INPP4B: variants seen among roughly 807,000 people sequenced by gnomAD.
The protein encoded by INPP4B is inositol polyphosphate 4-phosphatase type II.
INPP4B carries 55 observed loss-of-function variants against 122.5 expected under a neutral mutation model. The ratio of observed to expected loss-of-function variants is 0.45; its 90% CI spans 0.36 to 0.56. INPP4B has a LOEUF of 0.56. INPP4B is among the 20% of genes least tolerant of loss of function. The probability of loss-of-function intolerance (pLI) is 0.00; values close to 1 mark genes in which losing one functional copy is unlikely to be tolerated. For missense variants in INPP4B, 1,000 were observed against 1,097.7 expected (o/e 0.91, Z 1.26); for synonymous variants, 403 against 388.7 (o/e 1.04, Z -0.43).
intron 7 of INPP4B, among the ~76,000 whole-genome samples, chr4:142,325,215 C>T (rs1771872960): frequency 6.6e-6 from 1 of 152,188 alleles, no homozygotes; most frequent in African/African-American, 2.4e-5. Flanking sequence ...AAACCGAACT[C>T]CTTAATATCC....
At chr4:142,452,920 A>C (rs1814620378) in intron 3 of INPP4B, among the ~76,000 whole-genome samples, 1 of 152,174 alleles carries the variant, frequency 6.6e-6, no homozygotes, top group Non-Finnish European at 1.5e-5. Context: ...TTAAAAAAAA[A>C]ATGGAACACG....
intron 23 of INPP4B, among the ~76,000 whole-genome samples, chr4:142,096,837 C>T (rs2152603984): frequency 6.6e-6 from 1 of 152,188 alleles, no homozygotes; most frequent in South Asian, 2.1e-4. Flanking sequence ...AGCCATTAGA[C>T]AGCAATGGTG....
Position 142,702,182 on chromosome 4 carries a change from GT to G in INPP4B, c.-191+23656del, listed in dbSNP as rs1477541734. Among the ~76,000 whole-genome samples the G allele has an allele frequency of 7.9e-5, 12 of 150,948 alleles. No homozygotes were observed. In the East Asian group the frequency reaches 2.4e-3, roughly 30 times the overall value. ...GCTTTGTCCTCTTTAAGCTTTAGTA[GT>G]TTCTTTAAAAAAAAAAAAATCATTC... On this transcript the variant is annotated intron_variant, in intron 2 of 25. Coordinates refer to ENST00000262992, the MANE Select transcript of INPP4B (RefSeq NM_001101669.3).
chr4:142,132,171 G>C (rs1432584080), intron 18 of INPP4B, among the ~76,000 whole-genome samples: 42 of 152,022 alleles, frequency 2.8e-4, no homozygotes, highest in Admixed American at 2.6e-3. Flanking sequence ...TTTTCATGAA[G>C]TTATCATATA....
intron 16 of INPP4B, among the ~76,000 whole-genome samples, chr4:142,170,890 GTTTA>G (rs1825304756): frequency 6.6e-6 from 1 of 151,728 alleles, no homozygotes; most frequent in South Asian, 2.1e-4. Flanking sequence ...TACCAACAGT[GTTTA>G]TTTAGATGGA....
chr4:142,050,886 A>G (rs569129086), intron 25 of INPP4B, among the ~76,000 whole-genome samples: 1 of 152,128 alleles, frequency 6.6e-6, no homozygotes, highest in East Asian at 1.9e-4. Context: ...GTCCACAGAT[A>G]CAACCAACCA....
At chr4:142,700,902 T>G (rs1761669574) in intron 2 of INPP4B, among the ~76,000 whole-genome samples, 1 of 152,136 alleles carries the variant, frequency 6.6e-6, no homozygotes, top group Non-Finnish European at 1.5e-5. Context: ...CCCAGATGAT[T>G]TAAACATTTA....
intron 3 of INPP4B, among the ~76,000 whole-genome samples, chr4:142,453,832 C>G (rs932430377): frequency 3.3e-5 from 5 of 152,082 alleles, no homozygotes; most frequent in African/African-American, 9.7e-5. Context: ...TAAACTCGAA[C>G]TGGGTGGAAT....
At chr4:142,731,164 T>C (rs1965828) in intron 1 of INPP4B, among the ~76,000 whole-genome samples, 102,390 of 151,866 alleles carry the variant, frequency 0.67, 34,732 homozygotes, top group East Asian at 0.83. Context: ...CAAGTGTGTA[T>C]TGTTCCCCTC....
At chr4:142,704,351 G>A (rs1560979267) in intron 2 of INPP4B, among the ~76,000 whole-genome samples, 1 of 152,106 alleles carries the variant, frequency 6.6e-6, no homozygotes, top group Admixed American at 6.5e-5. Context: ...TAATTGCATT[G>A]AGTTATATAA....
intron 3 of INPP4B, among the ~76,000 whole-genome samples, chr4:142,455,633 C>G (rs909260685): frequency 6.6e-6 from 1 of 151,972 alleles, no homozygotes; most frequent in Non-Finnish European, 1.5e-5. Flanking sequence ...GCAGATATCT[C>G]TTCTATATAC....
rs1784883353 is a variant in INPP4B at position 142,102,400 on chromosome 4, A to T, written c.2374+5693T>A. On this transcript the variant is annotated intron_variant, in intron 23 of 25. Coordinates refer to ENST00000262992, the MANE Select transcript of INPP4B (RefSeq NM_001101669.3). ...AATTATTCTAAAAGAATTTAAAAGG[A>T]CATCAGAGAGAACCATGGTTGATCA... 2.0e-5 allele frequency among the ~76,000 whole-genome samples: 3 copies of T among 151,846 alleles called. No homozygotes were observed. In the South Asian group the frequency reaches 6.2e-4, roughly 32 times the overall value.
rs1025134379 is a variant in INPP4B at position 142,028,509 on chromosome 4, C to T, written c.*273G>A. ...TTTAAATACTCATGAATGAAATTTA[C>T]ACTTTGTGAACCAATCTCAATCAGC... On this transcript the variant is annotated 3_prime_UTR_variant, in exon 26 of 26. Transcript: ENST00000262992. The T allele has an allele frequency of 2.1e-5, 8 of 383,682 alleles. No individual in the cohort carries two copies. Among genetic ancestry groups the T allele is most frequent in the Admixed American group, 1.7e-4 (4 of 23,690 alleles). 23.8% of individuals were successfully genotyped at this position (383,682 alleles called of 1,614,324 possible).
chr4:142,601,837 C>T (rs994897154), intron 2 of INPP4B, among the ~76,000 whole-genome samples: 9 of 151,258 alleles, frequency 6.0e-5, no homozygotes, highest in South Asian at 2.1e-4. Context: ...GGTGTGGTGG[C>T]GGGGGCCTAT....
At chr4:142,584,588 T>G (rs1735769382) in intron 2 of INPP4B, among the ~76,000 whole-genome samples, 2 of 152,156 alleles carry the variant, frequency 1.3e-5, no homozygotes, top group African/African-American at 4.8e-5. Context: ...GGGGAGGAAG[T>G]CCACAGAAGT....
rs566622573 is a variant in INPP4B at position 142,615,064 on chromosome 4, C to G, written c.-191+110775G>C. Among the ~76,000 whole-genome samples, 414 of 152,252 alleles carry G rather than the reference C, an allele frequency of 2.7e-3. 1 individual carries two copies. Among genetic ancestry groups the G allele is most frequent in the African/African-American group, 9.3e-3 (385 of 41,564 alleles). On this transcript the variant is annotated intron_variant, in intron 2 of 25. Coordinates refer to ENST00000262992, the MANE Select transcript of INPP4B (RefSeq NM_001101669.3). ...AGTATCCACTCAAAGGAAAAGAAAT[C>G]ATTATATCAGAAAGAAACCTGAACT...
intron 1 of INPP4B, among the ~76,000 whole-genome samples, chr4:142,786,724 T>C (rs1775815703): frequency 6.6e-6 from 1 of 152,138 alleles, no homozygotes; most frequent in Admixed American, 6.6e-5. Context: ...ACTCTACATT[T>C]GTCATTTTCC....
Position 142,045,384 on chromosome 4 carries a change from C to T in INPP4B, c.2643-16470G>A, listed in dbSNP as rs982382309. ...TCTAATAACTAAAATTTTTAATTAC[C>T]GGGAACTAGATTTTGTATCCAACAT... On this transcript the variant is annotated intron_variant, in intron 25 of 25. Coordinates refer to ENST00000262992, the MANE Select transcript of INPP4B (RefSeq NM_001101669.3). 3.9e-5 allele frequency among the ~76,000 whole-genome samples: 6 copies of T among 152,084 alleles called. No individual in the cohort carries two copies. The South Asian group carries it at 8.3e-4, about 21-fold the overall frequency.
At chr4:142,217,041 G>A (rs1031507413) in intron 12 of INPP4B, among the ~76,000 whole-genome samples, 1 of 152,046 alleles carries the variant, frequency 6.6e-6, no homozygotes, top group African/African-American at 2.4e-5. Context: ...TAGGCCTCAG[G>A]TTCTTTCCTT....
Sources: gnomAD v4.1 joint callset for allele counts (sites outside exome capture counted in the v4.1 genomes callset) on GRCh38, gnomAD v4.1.1 for gene constraint, MANE v1.5 for transcripts, NCBI Gene and HGNC (gene_info 2026-07-23, HGNC 2026-07-21) for gene names.